The following DACH1 variants were observed in gnomAD, a reference collection of about 807,000 sequenced individuals.
DACH1 encodes the protein dachshund family transcription factor 1.
A neutral mutation model predicts 54.2 loss-of-function variants in DACH1; 12 were observed. That is an observed-to-expected ratio of 0.22 (90% CI 0.14 to 0.36). The LOEUF is 0.36. DACH1 is among the 10% of genes least tolerant of loss of function. DACH1 has a pLI of 1.00. For synonymous variants in DACH1, 386 were observed against 366.2 expected, an observed-to-expected ratio of 1.05 and a Z score of -0.62; for missense variants, 805 against 929.8, an observed-to-expected ratio of 0.87 and a Z score of 1.75.
At chr13:71,628,576 G>T (rs1031808442) in intron 3 of DACH1, among the ~76,000 whole-genome samples, 5 of 151,696 alleles carry the variant, frequency 3.3e-5, no homozygotes, top group Admixed American at 2.0e-4. Context: ...TTGGATGGGG[G>T]GTGTCAAAAC....
intron 3 of DACH1, among the ~76,000 whole-genome samples, chr13:71,586,663 A>G (rs573754590): frequency 2.0e-5 from 3 of 152,108 alleles, no homozygotes; most frequent in South Asian, 4.2e-4. Flanking sequence ...ATACCACAAT[A>G]ATTTATATCT....
intron 3 of DACH1, among the ~76,000 whole-genome samples, chr13:71,594,212 T>C (rs181527723): frequency 6.6e-6 from 1 of 151,676 alleles, no homozygotes; most frequent in African/African-American, 2.4e-5. Flanking sequence ...TCTGTAAATA[T>C]ATTACAAAGG....
At chr13:71,650,732 A>G (rs1223523489) in intron 2 of DACH1, among the ~76,000 whole-genome samples, 6 of 152,174 alleles carry the variant, frequency 3.9e-5, no homozygotes, top group Non-Finnish European at 8.8e-5. Context: ...GCATTCGGAT[A>G]AAAGTTGACA....
At chr13:71,470,617 G>A (rs1039277496) in intron 10 of DACH1, among the ~76,000 whole-genome samples, 3 of 152,028 alleles carry the variant, frequency 2.0e-5, no homozygotes, top group Admixed American at 1.3e-4. Flanking sequence ...GTAAGCCACC[G>A]CACCCGGTCT....
intron 6 of DACH1, among the ~76,000 whole-genome samples, chr13:71,510,202 C>T (rs1215288770): frequency 6.6e-6 from 1 of 151,992 alleles, no homozygotes; most frequent in Admixed American, 6.6e-5. Flanking sequence ...TCCTTTTAAG[C>T]TTAAGACATA....
intron 1 of DACH1, among the ~76,000 whole-genome samples, chr13:71,830,091 A>C (rs1888527296): frequency 6.6e-6 from 1 of 151,892 alleles, no homozygotes; most frequent in South Asian, 2.1e-4. Flanking sequence ...AAATCACCAA[A>C]TATTTTAAGT....
At chr13:71,781,983 A>C (rs1277537521) in intron 1 of DACH1, among the ~76,000 whole-genome samples, 1 of 152,224 alleles carries the variant, frequency 6.6e-6, no homozygotes, top group Non-Finnish European at 1.5e-5. Context: ...TGCAATAAGT[A>C]CCAATTTCTC....
chr13:71,725,058 A>T (rs139466916), intron 1 of DACH1, among the ~76,000 whole-genome samples: 104 of 152,236 alleles, frequency 6.8e-4, no homozygotes, highest in Middle Eastern at 3.4e-3. Context: ...AGCATATCTT[A>T]GTGAAACTGA....
At chr13:71,473,567 A>G (rs913565153) in intron 10 of DACH1, among the ~76,000 whole-genome samples, 1 of 152,208 alleles carries the variant, frequency 6.6e-6, no homozygotes, top group Non-Finnish European at 1.5e-5. Flanking sequence ...AGCCTTATTA[A>G]CAACCAACAT....
At position 71,440,536 on chromosome 13, in the gene DACH1, A is replaced by T; in HGVS notation, c.*119T>A. 1.3e-6 allele frequency: 1 copy of T among 760,076 alleles called. No homozygotes were observed. Among genetic ancestry groups the T allele is most frequent in the Non-Finnish European group, 2.2e-6 (1 of 461,940 alleles). The allele number at this position is 760,076 out of a possible 1,614,324, so 47.1% of individuals were successfully genotyped here. On this transcript the variant is annotated 3_prime_UTR_variant, in exon 11 of 11. Coordinates refer to ENST00000613252, the MANE Select transcript of DACH1 (RefSeq NM_080759.6). ...AATACTTAAACTTTTAAAGAACATT[A>T]ATACACAAAATTCAGGAAGTTCCCT...
intron 1 of DACH1, among the ~76,000 whole-genome samples, chr13:71,834,370 G>A (rs1566531172): frequency 1.3e-5 from 2 of 151,986 alleles, no homozygotes; most frequent in East Asian, 1.9e-4. Flanking sequence ...AATGGAAAAC[G>A]TGATTAGAAG....
At chr13:71,844,955 G>A (rs1018067937) in intron 1 of DACH1, among the ~76,000 whole-genome samples, 1 of 152,084 alleles carries the variant, frequency 6.6e-6, no homozygotes, top group Non-Finnish European at 1.5e-5. Context: ...CTAAAGGCTG[G>A]GAAGGGCAGG....
At chr13:71,798,667 C>A (rs1038191524) in intron 1 of DACH1, among the ~76,000 whole-genome samples, 2 of 152,000 alleles carry the variant, frequency 1.3e-5, no homozygotes, top group Admixed American at 1.3e-4. Flanking sequence ...GCAAGTGAAG[C>A]AAAATCACCT....
chr13:71,584,041 A>C (rs1873052014), intron 3 of DACH1, among the ~76,000 whole-genome samples: 1 of 152,178 alleles, frequency 6.6e-6, no homozygotes, highest in South Asian at 2.1e-4. Context: ...TACCACACAC[A>C]TTCTCTCACA....
intron 1 of DACH1, among the ~76,000 whole-genome samples, chr13:71,816,624 ATATATACACACACATATGTGT>A (rs1887951981): frequency 6.9e-6 from 1 of 144,890 alleles, no homozygotes; most frequent in African/African-American, 2.6e-5. Context: ...ATACACGTGT[ATATATACACACACATATGTGT>A]GTATATATAT....
At chr13:71,647,315 C>T (rs1878353453) in intron 2 of DACH1, among the ~76,000 whole-genome samples, 1 of 152,106 alleles carries the variant, frequency 6.6e-6, no homozygotes, top group Non-Finnish European at 1.5e-5. Flanking sequence ...ACATACCAGT[C>T]CTTGTACAAA....
intron 1 of DACH1, among the ~76,000 whole-genome samples, chr13:71,717,510 A>T (rs1472332452): frequency 1.6e-5 from 2 of 128,940 alleles, no homozygotes; most frequent in African/African-American, 6.8e-5. Flanking sequence ...GTAATCACAC[A>T]CACACACACA....
intron 10 of DACH1, among the ~76,000 whole-genome samples, chr13:71,452,502 C>G (rs1025769293): frequency 2.6e-5 from 4 of 152,122 alleles, no homozygotes; most frequent in African/African-American, 4.8e-5. Flanking sequence ...TCAGCTATAT[C>G]AGATATTTAT....
chr13:71,723,387 C>T (rs985930764), intron 1 of DACH1, among the ~76,000 whole-genome samples: 5 of 151,996 alleles, frequency 3.3e-5, no homozygotes, highest in East Asian at 1.9e-4. Context: ...GCATTCCAGC[C>T]GAGGCAGTAG....
Sources: allele counts gnomAD v4.1 joint callset (sites outside exome capture counted in the v4.1 genomes callset), GRCh38; gene constraint gnomAD v4.1.1; transcripts MANE v1.5; gene names NCBI Gene and HGNC (gene_info 2026-07-23, HGNC 2026-07-21).